The following PTPRD variants were observed in gnomAD, a reference collection of about 807,000 sequenced individuals.
PTPRD encodes receptor-type tyrosine-protein phosphatase delta.
A neutral mutation model predicts 214.5 loss-of-function variants in PTPRD; 34 were observed. That is an observed-to-expected ratio of 0.16 (90% CI 0.12 to 0.21). The LOEUF is 0.21. Ranked by LOEUF, PTPRD falls within the 10% of genes least tolerant of loss-of-function variation. PTPRD has a pLI of 1.00. For missense variants in PTPRD, 2,545 were observed against 2,398.7 expected (o/e 1.06, Z -1.27); for synonymous variants, 1,128 against 845.7 (o/e 1.33, Z -5.79).
intron 5 of PTPRD, among the ~76,000 whole-genome samples, chr9:9,877,790 C>T (rs767026100): frequency 3.0e-4 from 45 of 151,756 alleles, no homozygotes; most frequent in East Asian, 5.8e-4. Context: ...TCCTGACTAA[C>T]GAGGAGAAAC....
Position 9,072,153 on chromosome 9 carries a change from T to C in PTPRD, c.-142-53418A>G, listed in dbSNP as rs949425377. ...ACTTTAAATTAACTGCATAACAACA[T>C]TTTAAAAACACCAGCTACTATATAA... On this transcript the variant is annotated intron_variant, in intron 10 of 45. Transcript: ENST00000381196. Among the ~76,000 whole-genome samples the C allele has an allele frequency of 1.1e-4, 16 of 152,246 alleles. No individual in the cohort carries two copies. The East Asian group carries it at 1.2e-3, about 11-fold the overall frequency.
chr9:9,189,421 A>C (rs2099933736), intron 9 of PTPRD, among the ~76,000 whole-genome samples: 1 of 152,048 alleles, frequency 6.6e-6, no homozygotes, highest in African/African-American at 2.4e-5. Flanking sequence ...CATTTTATTA[A>C]ATAAACATTG....
At chr9:8,741,986 A>G (rs1565716414) in intron 11 of PTPRD, among the ~76,000 whole-genome samples, 1 of 152,186 alleles carries the variant, frequency 6.6e-6, no homozygotes, top group Non-Finnish European at 1.5e-5. Flanking sequence ...GGTCTAGACA[A>G]GACATTTTCA....
At chr9:10,321,570 G>A (rs1002018648) in intron 3 of PTPRD, among the ~76,000 whole-genome samples, 2 of 152,034 alleles carry the variant, frequency 1.3e-5, no homozygotes, top group Admixed American at 6.6e-5. Context: ...TCAAATCAGA[G>A]CAATGAAACG....
chr9:9,520,394 C>G (rs1016637105), intron 8 of PTPRD, among the ~76,000 whole-genome samples: 1 of 150,980 alleles, frequency 6.6e-6, no homozygotes, highest in African/African-American at 2.4e-5. Context: ...GTATTCAAAC[C>G]TGCTCAAGTA....
Position 8,929,768 on chromosome 9 carries a change from T to C in PTPRD, c.-104+88929A>G, listed in dbSNP as rs1178688683. On this transcript the variant is annotated intron_variant, in intron 11 of 45. Transcript: ENST00000381196. ...GTGTATATATATATGTATATATATG[T>C]GTATATATATGGGTGTGTATATATG... Among the ~76,000 whole-genome samples, 2 of 119,006 alleles carry C rather than the reference T, an allele frequency of 1.7e-5. 1 individual carries two copies. Among genetic ancestry groups the C allele is most frequent in the Non-Finnish European group, 3.4e-5 (2 of 59,452 alleles). The allele number at this position is 119,006 out of a possible 152,430, so 78.1% of individuals were successfully genotyped here. A position where few individuals can be genotyped will look rare whatever the true frequency, so the allele number is the denominator to read the frequency against.
At chr9:8,454,675 C>A (rs2133830243) in intron 33 of PTPRD, 3 of 1,486,218 alleles carry the variant, frequency 2.0e-6, no homozygotes, top group Non-Finnish European at 1.9e-6. Flanking sequence ...ACCATGACAA[C>A]CAAGATTTAA....
chr9:9,381,517 T>C (rs1262924682), intron 9 of PTPRD, among the ~76,000 whole-genome samples: 1 of 151,732 alleles, frequency 6.6e-6, no homozygotes, highest in Non-Finnish European at 1.5e-5. Context: ...TGCACCACCA[T>C]ACCCGGCTAA....
intron 12 of PTPRD, among the ~76,000 whole-genome samples, chr9:8,638,001 T>C (rs1595818203): frequency 6.6e-6 from 1 of 152,278 alleles, no homozygotes; most frequent in Admixed American, 6.5e-5. Context: ...GGCATTTTAA[T>C]TATTTCTCCG....
chr9:10,383,297 A>G (rs1011121747), intron 2 of PTPRD, among the ~76,000 whole-genome samples: 2 of 151,880 alleles, frequency 1.3e-5, no homozygotes, highest in Non-Finnish European at 2.9e-5. Context: ...ACTCTTTAAT[A>G]ACCAAGCAAT....
At chr9:9,315,833 CTTTTTTTTT>C (rs566821610) in intron 9 of PTPRD, among the ~76,000 whole-genome samples, 1 of 93,316 alleles carries the variant, frequency 1.1e-5, no homozygotes, top group Non-Finnish European at 2.1e-5. Flanking sequence ...TAGCAGACAA[CTTTTTTTTT>C]TTTTTTTTTT....
chr9:8,561,244 C>A (rs1164572233), intron 14 of PTPRD, among the ~76,000 whole-genome samples: 1 of 152,052 alleles, frequency 6.6e-6, no homozygotes, highest in Non-Finnish European at 1.5e-5. Context: ...TATTCACATA[C>A]CAATCAGCAC....
Position 8,982,673 on chromosome 9 carries a change from A to G in PTPRD, c.-104+36024T>C, listed in dbSNP as rs147618910. Among the ~76,000 whole-genome samples, 7 of 152,086 alleles carry G rather than the reference A, an allele frequency of 4.6e-5. No homozygotes were observed. The East Asian group carries it at 5.8e-4, about 13-fold the overall frequency. On this transcript the variant is annotated intron_variant, in intron 11 of 45. Coordinates refer to ENST00000381196, the MANE Select transcript of PTPRD (RefSeq NM_002839.4). ...GATAAAGGGTTTCTAAAATACTTCT[A>G]TCTCACCTATCTAGTTCATTCCTAT...
At chr9:8,871,064 A>C (rs1215538077) in intron 11 of PTPRD, among the ~76,000 whole-genome samples, 1 of 152,162 alleles carries the variant, frequency 6.6e-6, no homozygotes, top group African/African-American at 2.4e-5. Flanking sequence ...CCTTCAAATA[A>C]GTACACGTGT....
chr9:10,043,386 T>A (rs1249849259), intron 3 of PTPRD, among the ~76,000 whole-genome samples: 1 of 151,848 alleles, frequency 6.6e-6, no homozygotes, highest in Non-Finnish European at 1.5e-5. Context: ...TAAAGCCCTC[T>A]CTTTAAATGT....
At position 10,554,556 on chromosome 9, in the gene PTPRD, G is replaced by A. The variant is rs61225772; in HGVS notation, c.-600+57842C>T. Among the ~76,000 whole-genome samples, 3 of 152,074 alleles carry A rather than the reference G, an allele frequency of 2.0e-5. No individual in the cohort carries two copies. In the East Asian group the frequency reaches 5.8e-4, roughly 29 times the overall value. On this transcript the variant is annotated intron_variant, in intron 2 of 45. Transcript: ENST00000381196. ...TTTCATAACAGCATCAGGTATTTGA[G>A]AATTCCAATTTCCAGGATAATATAT...
At chr9:9,271,761 G>T (rs1343898583) in intron 9 of PTPRD, among the ~76,000 whole-genome samples, 2 of 151,172 alleles carry the variant, frequency 1.3e-5, no homozygotes. Flanking sequence ...ACATCAAATA[G>T]AATTCATGGA....
chr9:10,000,754 G>C (rs1384547018), intron 4 of PTPRD, among the ~76,000 whole-genome samples: 1 of 152,208 alleles, frequency 6.6e-6, no homozygotes, highest in Non-Finnish European at 1.5e-5. Flanking sequence ...TTAGAAACTA[G>C]GTCTAACCAA....
intron 9 of PTPRD, among the ~76,000 whole-genome samples, chr9:9,308,190 T>C (rs1451361105): frequency 6.6e-6 from 1 of 152,158 alleles, no homozygotes; most frequent in Non-Finnish European, 1.5e-5. Context: ...TTTGGGCAAA[T>C]ACCTACCTAA....
Sources: gnomAD v4.1 joint callset for allele counts (sites outside exome capture counted in the v4.1 genomes callset) on GRCh38, gnomAD v4.1.1 for gene constraint, MANE v1.5 for transcripts, NCBI Gene and HGNC (gene_info 2026-07-23, HGNC 2026-07-21) for gene names.